Variants in ZNF18 observed in about 807,000 individuals in gnomAD.
The protein encoded by ZNF18 is heart development-specific gene 1 protein.
In ZNF18, 42 loss-of-function variants were observed where a neutral mutation model predicts 58.1. The ratio of observed to expected loss-of-function variants is 0.72; its 90% CI spans 0.56 to 0.93. The LOEUF is 0.93. Ranked by LOEUF, ZNF18 falls within the 40% of genes least tolerant of loss-of-function variation. ZNF18 has a pLI of 0.00. For synonymous variants in ZNF18, 231 were observed against 239.8 expected, an observed-to-expected ratio of 0.96 and a Z score of 0.34; for missense variants, 540 against 644.2, an observed-to-expected ratio of 0.84 and a Z score of 1.75.
At chr17:12,013,190 T>G in the ZNF18 span, among the ~76,000 whole-genome samples, 1 of 152,212 alleles carries the variant, frequency 6.6e-6, no homozygotes, top group African/African-American at 2.4e-5. Flanking sequence ...GACATCGTGA[T>G]CCACCCACCT....
At chr17:11,979,847 G>A (rs115930069) in intron 6 of ZNF18, among the ~76,000 whole-genome samples, 9 of 152,152 alleles carry the variant, frequency 5.9e-5, no homozygotes, top group African/African-American at 2.2e-4. Flanking sequence ...GTACTTTCTC[G>A]TGTTTTTAAA....
At chr17:12,011,261 T>A in the ZNF18 span, 1 of 382,816 alleles carries the variant, frequency 2.6e-6, no homozygotes, top group Non-Finnish European at 4.8e-6. Flanking sequence ...TTCCCCTGAA[T>A]CATATTTTGA....
At chr17:12,009,922 A>C in the ZNF18 span, among the ~76,000 whole-genome samples, 1 of 152,220 alleles carries the variant, frequency 6.6e-6, no homozygotes, top group African/African-American at 2.4e-5. Context: ...GGTAGAAAAA[A>C]GTGCCTAAAA....
chr17:11,984,267 G>C lies in ZNF18; in HGVS notation c.667-70C>G, dbSNP rs192421081. On this transcript the variant is annotated intron_variant, in intron 4 of 6. Coordinates refer to ENST00000580306, the MANE Select transcript of ZNF18 (RefSeq NM_001303281.2). Reference sequence around the variant, plus strand: ...GAAGGTGTTTGAACCTGCCTTCCCTGCCTAAAGGAAAGCTGAGAAGACAGA... The same window carrying C: ...GAAGGTGTTTGAACCTGCCTTCCCTCCCTAAAGGAAAGCTGAGAAGACAGA... 8.1e-4 allele frequency: 1,173 copies of C among 1,444,930 alleles called. 1 individual carries two copies. The highest frequency in any genetic ancestry group is 1.0e-3 in the Non-Finnish European group (1,090 of 1,069,814). 89.5% of individuals were successfully genotyped at this position (1,444,930 alleles called of 1,614,324 possible). A position where few individuals can be genotyped will look rare whatever the true frequency, so the allele number is the denominator to read the frequency against.
At chr17:11,984,025 C>T in intron 5 of ZNF18, 88 bp downstream of exon 5, 2 of 1,228,418 alleles carry the variant, frequency 1.6e-6, no homozygotes. Flanking sequence ...ATTTTCAGTT[C>T]AGCAGATGTC....
upstream of ZNF18, among the ~76,000 whole-genome samples, chr17:12,000,259 G>A (rs998704029): frequency 3.9e-5 from 6 of 152,070 alleles, no homozygotes; most frequent in African/African-American, 1.4e-4. Context: ...TGACAATAAA[G>A]AGAAGCACTA....
chr17:12,014,799 C>G, the ZNF18 span, among the ~76,000 whole-genome samples: 41 of 152,256 alleles, frequency 2.7e-4, no homozygotes, highest in Middle Eastern at 6.8e-3. Context: ...ACCTGTAATA[C>G]CAGCACTTTG....
chr17:11,987,790 C>T (rs2151479019), intron 4 of ZNF18, among the ~76,000 whole-genome samples: 1 of 152,286 alleles, frequency 6.6e-6, no homozygotes, highest in Admixed American at 6.5e-5. Flanking sequence ...ACCTTGAAAG[C>T]AGGCAGAAGG....
At chr17:11,979,065 A>T (rs1392280364) in intron 6 of ZNF18, among the ~76,000 whole-genome samples, 1 of 151,186 alleles carries the variant, frequency 6.6e-6, no homozygotes, top group African/African-American at 2.4e-5. Flanking sequence ...CAAGTATATT[A>T]TAGGCAACTA....
chr17:12,012,117 A>G, the ZNF18 span, among the ~76,000 whole-genome samples: 1 of 152,296 alleles, frequency 6.6e-6, no homozygotes, highest in Admixed American at 6.5e-5. Flanking sequence ...CCAATCACCC[A>G]GTTTCTCTCT....
At chr17:11,992,337 C>A in intron 2 of ZNF18, 106 bp downstream of exon 2, 1 of 1,433,542 alleles carries the variant, frequency 7.0e-7, no homozygotes, top group East Asian at 2.3e-5. Context: ...GTGAAAAGCC[C>A]CACCCATTTT....
chr17:11,981,460 C>T (rs1361060080), intron 6 of ZNF18, among the ~76,000 whole-genome samples: 2 of 151,154 alleles, frequency 1.3e-5, no homozygotes, highest in Non-Finnish European at 2.9e-5. Flanking sequence ...GCTGGGATTA[C>T]AGGTGCTCAC....
the ZNF18 span, among the ~76,000 whole-genome samples, chr17:12,013,198 C>A: frequency 6.6e-6 from 1 of 152,198 alleles, no homozygotes; most frequent in Non-Finnish European, 1.5e-5. Context: ...GATCCACCCA[C>A]CTGCGCCTCC....
chr17:12,017,182 G>A, the ZNF18 span, among the ~76,000 whole-genome samples: 5 of 151,808 alleles, frequency 3.3e-5, no homozygotes, highest in African/African-American at 1.2e-4. Flanking sequence ...GGGCAACAGA[G>A]CAAGACTCTG....
chr17:11,986,974 A>G (rs1031121636), intron 4 of ZNF18, among the ~76,000 whole-genome samples: 1 of 152,234 alleles, frequency 6.6e-6, no homozygotes, highest in Non-Finnish European at 1.5e-5. Context: ...AATTTACTCA[A>G]GAAACTGCCA....
the ZNF18 span, chr17:12,020,678 G>A: frequency 6.5e-5 from 23 of 351,770 alleles, no homozygotes; most frequent in East Asian, 8.6e-4. Context: ...CTGCTTCACA[G>A]GTCGCGCACC....
intron 4 of ZNF18, among the ~76,000 whole-genome samples, chr17:11,989,126 T>C (rs1438651476): frequency 6.8e-6 from 1 of 147,674 alleles, no homozygotes; most frequent in Non-Finnish European, 1.5e-5. Flanking sequence ...GCCACTGCAC[T>C]CCAGCCTAGG....
chr17:11,985,475 G>C (rs1226959557), intron 4 of ZNF18, among the ~76,000 whole-genome samples: 1 of 152,236 alleles, frequency 6.6e-6, no homozygotes, highest in Non-Finnish European at 1.5e-5. Context: ...TGTGAGGTTT[G>C]AGATAAATAA....
At chr17:11,985,781 A>ATT in intron 4 of ZNF18, among the ~76,000 whole-genome samples, 1 of 152,328 alleles carries the variant, frequency 6.6e-6, no homozygotes, top group African/African-American at 2.4e-5. Context: ...AATATATATT[A>ATT]TTACCATCAC....
Sources: gnomAD v4.1 joint callset for allele counts (sites outside exome capture counted in the v4.1 genomes callset) on GRCh38, gnomAD v4.1.1 for gene constraint, MANE v1.5 for transcripts, NCBI Gene and HGNC (gene_info 2026-07-23, HGNC 2026-07-21) for gene names.